ZSWIM4: variants seen among roughly 807,000 people sequenced by gnomAD.
The protein encoded by ZSWIM4 is zinc finger SWIM-type containing 4.
A neutral mutation model predicts 102.5 loss-of-function variants in ZSWIM4; 62 were observed. The observed-to-expected ratio is 0.60, with a 90% confidence interval of 0.49 to 0.75. The LOEUF is 0.75. Among genes scored for constraint, ZSWIM4 ranks in the 30% least tolerant of loss-of-function variants. The pLI is 0.00. For missense variants in ZSWIM4, 1,280 were observed against 1,529.6 expected (o/e 0.84, Z 2.72); for synonymous variants, 652 against 674.5 (o/e 0.97, Z 0.52).
chr19:13,811,393 A>AGT (rs2145304572), intron 5 of ZSWIM4, among the ~76,000 whole-genome samples: 1 of 152,148 alleles, frequency 6.6e-6, no homozygotes, highest in South Asian at 2.1e-4. Flanking sequence ...GGCCAGGTGC[A>AGT]GTGGCTCACA....
intron 13 of ZSWIM4, among the ~76,000 whole-genome samples, chr19:13,829,774 G>A (rs1379752422): frequency 6.6e-6 from 1 of 151,894 alleles, no homozygotes; most frequent in Non-Finnish European, 1.5e-5. Context: ...GCAGTGAGCC[G>A]AGATGGTGCC....
rs1321950414 is a variant in ZSWIM4 at position 13,809,786 on chromosome 19, TTTTG to T, written c.1012+570_1012+573del. On this transcript the variant is annotated intron_variant, in intron 5 of 13. Transcript: ENST00000590508. This position sits in a 1 kb window ranked among gnomAD's most constrained non-coding sequence, Gnocchi z 4.2. The stretch of plus-strand genomic sequence containing the variant: ...TGAGCCACCACACCCAGCCTACATG[TTTTG>T]TTTCTTTTTTTCTTTTTTTAGAGAC... Among the ~76,000 whole-genome samples the T allele has an allele frequency of 1.7e-3, 253 of 151,890 alleles. 1 individual carries two copies. Among genetic ancestry groups the T allele is most frequent in the African/African-American group, 6.0e-3 (247 of 41,412 alleles).
chr19:13,822,709 A>G (rs1157173010), intron 10 of ZSWIM4, among the ~76,000 whole-genome samples: 2 of 152,002 alleles, frequency 1.3e-5, no homozygotes, highest in Non-Finnish European at 2.9e-5. Context: ...GCCAGGAGCC[A>G]TGGTTCACGC....
rs746410486 is a variant in ZSWIM4, at chr19:13,809,011, G to A, written c.861+27G>A. 2.5e-6 allele frequency: 4 copies of A among 1,607,456 alleles called. No homozygotes were observed. In the Admixed American group the frequency reaches 5.0e-5, roughly 20 times the overall value. Reference sequence around the variant, plus strand: ...TGCCGTGCGGGCCGGCGGGGCGCGGGGTGCAGAAGGCCCCGGCGGACGCCC... The same window carrying A: ...TGCCGTGCGGGCCGGCGGGGCGCGGAGTGCAGAAGGCCCCGGCGGACGCCC... On this transcript the variant is annotated intron_variant, in intron 4 of 13. Coordinates refer to ENST00000590508, the MANE Select transcript of ZSWIM4 (RefSeq NM_001367834.3). The surrounding 1 kb of genome is among the most constrained non-coding windows in gnomAD (Gnocchi z 4.2).
chr19:13,811,285 G>C (rs1975081992), intron 5 of ZSWIM4, among the ~76,000 whole-genome samples: 1 of 152,122 alleles, frequency 6.6e-6, no homozygotes, highest in Non-Finnish European at 1.5e-5. Context: ...CTGTCATGAA[G>C]ACCTCACTCT....
chr19:13,814,861 A>G lies in ZSWIM4; in HGVS notation c.1527A>G (p.Lys509=). ...RHQLESYKQQ[K]KELLQKGSTC... ...AGCTAGAGAGCTACAAGCAGCAGAA[A>G]AAAGGTCAGCCTCAGCCGGGCACGG... The change falls in exon 7 of 14, where the codon AAA becomes AAG. Residue 509 remains lysine, a synonymous_variant. Transcript: ENST00000590508. 2 of 1,246,684 alleles carry G rather than the reference A, an allele frequency of 1.6e-6. No homozygotes were observed. The highest frequency in any genetic ancestry group is 2.1e-6 in the Non-Finnish European group (2 of 957,398). 77.2% of individuals were successfully genotyped at this position (1,246,684 alleles called of 1,614,324 possible).
chr19:13,822,960 A>AGC, intron 10 of ZSWIM4, among the ~76,000 whole-genome samples: 1 of 151,594 alleles, frequency 6.6e-6, no homozygotes, highest in Non-Finnish European at 1.5e-5. Context: ...GCCTGGGCAA[A>AGC]AAGAGTGAAA....
chr19:13,818,924 C>T (rs1291093783), intron 9 of ZSWIM4, among the ~76,000 whole-genome samples: 9 of 145,654 alleles, frequency 6.2e-5, no homozygotes, highest in Admixed American at 4.2e-4. Context: ...AGTGCAGTGG[C>T]GCAATCTCGG....
chr19:13,805,047 T>G lies in ZSWIM4; in HGVS notation c.611T>G (p.Val204Gly), dbSNP rs752490023. The G allele has an allele frequency of 6.2e-7, 1 of 1,610,778 alleles. No individual in the cohort carries two copies. The highest frequency in any genetic ancestry group is 8.5e-7 in the Non-Finnish European group (1 of 1,180,018). The change falls in exon 3 of 14, where the codon GTG becomes GGG. Residue 204 changes from valine to glycine, a missense_variant. Val to Gly is a moderately radical substitution (Grantham distance 109, BLOSUM62 -3). Transcript: ENST00000590508. ...QMNRDQLQKF[V>G]QYLISAHHTE... ...AACCGGGACCAGCTGCAGAAGTTCG[T>G]GCAGTACCTCATCAGCGCCCATCAC...
In ZSWIM4 at chr19:13,825,429, A is replaced by G; in HGVS notation, c.2216-121A>G. 8.3e-7 allele frequency: 1 copy of G among 1,211,184 alleles called. No individual in the cohort carries two copies. Among genetic ancestry groups the G allele is most frequent in the South Asian group, 1.4e-5 (1 of 71,274 alleles). 75.0% of individuals were successfully genotyped at this position (1,211,184 alleles called of 1,614,324 possible). On this transcript the variant is annotated intron_variant, in intron 11 of 13. Coordinates refer to ENST00000590508, the MANE Select transcript of ZSWIM4 (RefSeq NM_001367834.3). The surrounding 1 kb of genome is among the most constrained non-coding windows in gnomAD (Gnocchi z 4.6). ...TTCACAGAACCATGGCCCAGTACAC[A>G]TCCCTCCACACTCACACATGTGCCC... is the stretch of plus-strand genomic sequence containing the variant.
chr19:13,813,282 C>T, intron 6 of ZSWIM4, 118 bp downstream of exon 6: 12 of 847,080 alleles, frequency 1.4e-5, no homozygotes, highest in Non-Finnish European at 2.0e-5. Context: ...GCAAAGCAGA[C>T]CCCAGTCCTT....
At chr19:13,812,750 G>A (rs374010035) in intron 5 of ZSWIM4, among the ~76,000 whole-genome samples, 5 of 151,880 alleles carry the variant, frequency 3.3e-5, no homozygotes, top group African/African-American at 9.7e-5. Context: ...GATTACAGGC[G>A]TGAGTCATCA....
intron 11 of ZSWIM4, among the ~76,000 whole-genome samples, chr19:13,824,147 G>A (rs1975543081): frequency 6.6e-6 from 1 of 151,852 alleles, no homozygotes; most frequent in Admixed American, 6.6e-5. Flanking sequence ...AGAGAGGAGA[G>A]AGAGAAGAAA....
chr19:13,827,122 CA>C (rs1436969977), intron 12 of ZSWIM4, among the ~76,000 whole-genome samples: 1 of 151,804 alleles, frequency 6.6e-6, no homozygotes, highest in Non-Finnish European at 1.5e-5. Flanking sequence ...CCCATCTCTA[CA>C]AAAAACTTTA....
Position 13,830,949 on chromosome 19 carries a change from C to G in ZSWIM4, c.3220C>G (p.Pro1074Ala), listed in dbSNP as rs368062238. 2.3e-5 allele frequency: 37 copies of G among 1,614,174 alleles called. No individual in the cohort carries two copies. The African/African-American group carries it at 4.4e-4, about 19-fold the overall frequency. Residue 1074 changes from proline (P) to alanine (A), a missense_variant, in exon 14 of 14, where the codon CCC becomes GCC. Coordinates refer to ENST00000590508, the MANE Select transcript of ZSWIM4 (RefSeq NM_001367834.3). ...GKARETFLLA[P>A]DGHLQFSQFL... ...GGCCCGGGAGACCTTCCTGCTGGCG[C>G]CCGACGGGCACCTCCAGTTCTCACA...
Position 13,799,836 on chromosome 19 carries a change from A to G in ZSWIM4, c.270A>G (p.Pro90=). ...ACTCGTCGCTGGGTTACCCGCCCCC[A>G]GAGGGCGAGCACGATGCCCGGGTGC... ...CMYSSLGYPP[P]EGEHDARVPF... Residue 90 remains proline (P), a synonymous_variant, in exon 2 of 14, where the codon CCA becomes CCG. Transcript: ENST00000590508. 1 of 1,613,864 alleles carries G rather than the reference A, an allele frequency of 6.2e-7. No homozygotes were observed. Among genetic ancestry groups the G allele is most frequent in the South Asian group, 1.1e-5 (1 of 91,084 alleles).
At chr19:13,828,184 G>A (rs141273262) in intron 12 of ZSWIM4, among the ~76,000 whole-genome samples, 6,618 of 152,126 alleles carry the variant, frequency 0.044, 474 homozygotes, top group African/African-American at 0.15. Context: ...TGAGGCGGGC[G>A]GATCACTTGA....
intron 3 of ZSWIM4, among the ~76,000 whole-genome samples, chr19:13,807,363 G>A (rs537365015): frequency 1.3e-5 from 2 of 152,170 alleles, no homozygotes; most frequent in East Asian, 3.9e-4. Context: ...TGACTTGGGT[G>A]GGGGTGGATA....
At chr19:13,819,568 C>T in intron 10 of ZSWIM4, 76 bp downstream of exon 10, 1 of 1,510,888 alleles carries the variant, frequency 6.6e-7, no homozygotes, top group Non-Finnish European at 8.9e-7. Flanking sequence ...AGCTCAGAGC[C>T]CCACCCATCC....
Sources: allele counts gnomAD v4.1 joint callset (sites outside exome capture counted in the v4.1 genomes callset), GRCh38; gene constraint gnomAD v4.1.1; non-coding constraint Gnocchi (gnomAD v3.1); transcripts MANE v1.5; gene names NCBI Gene and HGNC (gene_info 2026-07-23, HGNC 2026-07-21).